Variants in RASA1 observed in about 807,000 individuals in gnomAD.
RASA1 encodes RAS p21 protein activator 1.
RASA1 carries 25 observed loss-of-function variants against 132.2 expected under a neutral mutation model. That is an observed-to-expected ratio of 0.19 (90% confidence interval 0.14 to 0.26). RASA1 has a LOEUF of 0.26. RASA1 is among the 10% of genes least tolerant of loss of function. The probability of loss-of-function intolerance (pLI) is 1.00; values close to 1 mark genes in which losing one functional copy is unlikely to be tolerated. For synonymous variants in RASA1, 477 were observed against 449.9 expected, an observed-to-expected ratio of 1.06 and a Z score of -0.76; for missense variants, 964 against 1,299.2, an observed-to-expected ratio of 0.74 and a Z score of 3.97.
intron 12 of RASA1, among the ~76,000 whole-genome samples, chr5:87,370,540 T>C (rs1420554046): frequency 6.6e-6 from 1 of 152,206 alleles, no homozygotes; most frequent in Non-Finnish European, 1.5e-5. Context: ...CTTATGCCTG[T>C]AGTCCCAGCC....
chr5:87,314,039 C>T (rs1213128153), intron 1 of RASA1, among the ~76,000 whole-genome samples: 1 of 152,100 alleles, frequency 6.6e-6, no homozygotes, highest in Non-Finnish European at 1.5e-5. Context: ...CGTGGTGGCA[C>T]ATGCCTGTAA....
intron 1 of RASA1, among the ~76,000 whole-genome samples, chr5:87,296,581 T>A (rs967502810): frequency 5.9e-5 from 9 of 151,826 alleles, no homozygotes; most frequent in African/African-American, 2.2e-4. Context: ...TCACATGGTA[T>A]AAATTTTTAG....
chr5:87,271,099 G>A (rs182281166), intron 1 of RASA1, among the ~76,000 whole-genome samples: 22 of 152,178 alleles, frequency 1.4e-4, no homozygotes, highest in African/African-American at 5.3e-4. Flanking sequence ...TTAGCCTGGC[G>A]TGGTGGCGGG....
intron 9 of RASA1, among the ~76,000 whole-genome samples, chr5:87,355,400 A>G (rs557266828): frequency 9.9e-5 from 15 of 152,278 alleles, no homozygotes; most frequent in African/African-American, 1.9e-4. Flanking sequence ...TGCTCTGTCA[A>G]TGGAACTACA....
intron 6 of RASA1, among the ~76,000 whole-genome samples, chr5:87,344,227 G>A (rs916302364): frequency 6.6e-6 from 1 of 152,114 alleles, no homozygotes; most frequent in Non-Finnish European, 1.5e-5. Context: ...TGTGCTTGAG[G>A]TGATGGATAC....
chr5:87,268,305 C>A lies in RASA1; in HGVS notation c.-147C>A. The A allele has an allele frequency of 7.0e-6, 8 of 1,149,104 alleles. No homozygotes were observed. The highest frequency in any genetic ancestry group is 9.5e-6 in the Non-Finnish European group (8 of 840,326). 71.2% of individuals were successfully genotyped at this position (1,149,104 alleles called of 1,614,324 possible). A position where few individuals can be genotyped will look rare whatever the true frequency, so the allele number is the denominator to read the frequency against. ...GCTGTGGCCCTAGGAGGGGGCGCGG[C>A]GGCGGGCTCTCTCCTTTTGTTGTTG... On this transcript the variant is annotated 5_prime_UTR_variant, in exon 1 of 25. Coordinates refer to ENST00000274376, the MANE Select transcript of RASA1 (RefSeq NM_002890.3).
At chr5:87,346,991 G>A (rs1381243888) in intron 7 of RASA1, among the ~76,000 whole-genome samples, 3 of 151,760 alleles carry the variant, frequency 2.0e-5, no homozygotes, top group Admixed American at 6.6e-5. Flanking sequence ...TTTCCCATAT[G>A]TTTCTAGAAG....
At chr5:87,284,732 A>G (rs1357297589) in intron 1 of RASA1, among the ~76,000 whole-genome samples, 1 of 152,230 alleles carries the variant, frequency 6.6e-6, no homozygotes, top group Non-Finnish European at 1.5e-5. Flanking sequence ...TAGCACATAA[A>G]TCTGATTAAT....
At chr5:87,377,980 TAATA>T (rs1209303724) in intron 17 of RASA1, among the ~76,000 whole-genome samples, 2 of 152,234 alleles carry the variant, frequency 1.3e-5, no homozygotes, top group Non-Finnish European at 2.9e-5. Flanking sequence ...TATTTTAAGC[TAATA>T]AATTAATCTA....
chr5:87,330,042 C>A (rs1353640110), intron 1 of RASA1, among the ~76,000 whole-genome samples: 1 of 152,078 alleles, frequency 6.6e-6, no homozygotes, highest in Non-Finnish European at 1.5e-5. Context: ...TCTTTCCCTT[C>A]TTCCTCTAGT....
At chr5:87,313,101 C>T (rs1287004366) in intron 1 of RASA1, among the ~76,000 whole-genome samples, 1 of 152,074 alleles carries the variant, frequency 6.6e-6, no homozygotes, top group Non-Finnish European at 1.5e-5. Flanking sequence ...GTATGGACTG[C>T]AGATATTATG....
intron 7 of RASA1, among the ~76,000 whole-genome samples, chr5:87,347,028 C>T (rs1310925755): frequency 6.6e-6 from 1 of 151,934 alleles, no homozygotes; most frequent in Admixed American, 6.6e-5. Context: ...GAATCTTTCT[C>T]ACCCCTACAC....
chr5:87,335,986 A>T (rs1757948793), intron 4 of RASA1, among the ~76,000 whole-genome samples: 1 of 152,178 alleles, frequency 6.6e-6, no homozygotes, highest in Non-Finnish European at 1.5e-5. Flanking sequence ...TTCATAGAAT[A>T]TCTATAATTA....
chr5:87,326,661 A>G (rs1757252316), intron 1 of RASA1, among the ~76,000 whole-genome samples: 1 of 152,156 alleles, frequency 6.6e-6, no homozygotes, highest in Non-Finnish European at 1.5e-5. Context: ...AGTACATACT[A>G]TCCTTTATAT....
intron 1 of RASA1, among the ~76,000 whole-genome samples, chr5:87,276,241 A>G (rs2112237086): frequency 6.6e-6 from 1 of 152,296 alleles, no homozygotes. Context: ...ATTTCTCCAC[A>G]ATAGATGTTG....
At chr5:87,288,428 C>T (rs559563001) in intron 1 of RASA1, among the ~76,000 whole-genome samples, 22 of 152,148 alleles carry the variant, frequency 1.4e-4, no homozygotes, top group Admixed American at 5.9e-4. Context: ...TTAAACCACA[C>T]GAAATCAATT....
In RASA1 at chr5:87,315,736, C is replaced by T. The variant is rs538323869; in HGVS notation, c.540-15612C>T. The stretch of plus-strand genomic sequence containing the variant: ...GTGCTATTAAATAAGTAGCACCTTG[C>T]GAATAATAGTCTGCTTCCATTATTT... On this transcript the variant is annotated intron_variant, in intron 1 of 24. Transcript: ENST00000274376. Among the ~76,000 whole-genome samples the T allele has an allele frequency of 2.6e-5, 4 of 152,156 alleles. No individual in the cohort carries two copies. The South Asian group carries it at 6.2e-4, about 24-fold the overall frequency.
intron 5 of RASA1, among the ~76,000 whole-genome samples, chr5:87,338,536 A>ATATATTTTTTTTTTTTTTTTTT: frequency 2.3e-5 from 2 of 85,214 alleles, no homozygotes; most frequent in African/African-American, 4.4e-5. Context: ...TATATATAAA[A>ATATATTTTTTTTTTTTTTTTTT]TTTTTTTTTT....
At position 87,389,742 on chromosome 5, in the gene RASA1, G is replaced by A. The variant is rs190557450; in HGVS notation, c.3060+215G>A. On this transcript the variant is annotated intron_variant, in intron 24 of 24. Coordinates refer to ENST00000274376, the MANE Select transcript of RASA1 (RefSeq NM_002890.3). ...GAAAAACATCAGGTTTTGCTCTTGA[G>A]TCTGAATGTTAATTCTACTGGAAAA... 3.9e-5 allele frequency among the ~76,000 whole-genome samples: 6 copies of A among 152,304 alleles called. No individual in the cohort carries two copies. In the East Asian group the frequency reaches 1.2e-3, roughly 29 times the overall value.
Sources: allele counts gnomAD v4.1 joint callset (sites outside exome capture counted in the v4.1 genomes callset), GRCh38; gene constraint gnomAD v4.1.1; transcripts MANE v1.5; gene names NCBI Gene and HGNC (gene_info 2026-07-23, HGNC 2026-07-21).